SGIP1: variants seen among roughly 807,000 people sequenced by gnomAD.
SGIP1 encodes the protein SH3GL interacting endocytic adaptor 1.
A neutral mutation model predicts 107.5 loss-of-function variants in SGIP1; 38 were observed. The ratio of observed to expected loss-of-function variants is 0.35; its 90% confidence interval spans 0.27 to 0.46. SGIP1 has a LOEUF of 0.46. Among genes scored for constraint, SGIP1 ranks in the 20% least tolerant of loss-of-function variants. The pLI is 1.00. For missense variants in SGIP1, 929 were observed against 1,019.5 expected, an observed-to-expected ratio of 0.91 and a Z score of 1.21; for synonymous variants, 365 against 366.1, an observed-to-expected ratio of 1.00 and a Z score of 0.03.
At chr1:66,585,211 C>T (rs1314597364) in intron 1 of SGIP1, among the ~76,000 whole-genome samples, 1 of 152,158 alleles carries the variant, frequency 6.6e-6, no homozygotes, top group African/African-American at 2.4e-5. Flanking sequence ...CTCTATGGTG[C>T]TTCTTGCATT....
At chr1:66,614,698 T>C (rs2068780315) in intron 1 of SGIP1, among the ~76,000 whole-genome samples, 1 of 152,036 alleles carries the variant, frequency 6.6e-6, no homozygotes, top group African/African-American at 2.4e-5. Flanking sequence ...TAGCCTGTGG[T>C]GTATAGAAAG....
chr1:66,567,322 T>G (rs578024469), intron 1 of SGIP1, among the ~76,000 whole-genome samples: 1 of 152,290 alleles, frequency 6.6e-6, no homozygotes, highest in South Asian at 2.1e-4. Context: ...AAAGTGTCTG[T>G]TCATATCCTT....
At chr1:66,684,472 T>C (rs2087702213) in intron 15 of SGIP1, among the ~76,000 whole-genome samples, 1 of 152,192 alleles carries the variant, frequency 6.6e-6, no homozygotes, top group African/African-American at 2.4e-5. Flanking sequence ...AACCACTATG[T>C]AAATCCTCCA....
In SGIP1 at chr1:66,745,381, T is replaced by C. The variant is rs2094538635; in HGVS notation, c.*2286T>C. On this transcript the variant is annotated 3_prime_UTR_variant, in exon 25 of 25. Transcript: ENST00000371037. ...GAGTAACCAGAACCTCAATAGAAAA[T>C]GTATCCCTTCACCTTTCAGAAAAGA... 6.6e-6 allele frequency: 1 copy of C among 151,988 alleles called. No homozygotes were observed. Among genetic ancestry groups the C allele is most frequent in the Non-Finnish European group, 1.5e-5 (1 of 67,884 alleles). The allele number at this position is 151,988 out of a possible 1,614,324, so 9.4% of individuals were successfully genotyped here.
At chr1:66,566,309 G>A (rs925482574) in intron 1 of SGIP1, among the ~76,000 whole-genome samples, 4 of 151,932 alleles carry the variant, frequency 2.6e-5, no homozygotes, top group African/African-American at 9.7e-5. Context: ...AACTTTCTTA[G>A]GCACTGATTC....
chr1:66,601,572 T>C (rs1403363380), intron 1 of SGIP1, among the ~76,000 whole-genome samples: 1 of 151,966 alleles, frequency 6.6e-6, no homozygotes, highest in Non-Finnish European at 1.5e-5. Context: ...AATAGAATCC[T>C]AACAATCTAT....
At chr1:66,735,519 C>T (rs2094193686) in intron 21 of SGIP1, among the ~76,000 whole-genome samples, 1 of 151,944 alleles carries the variant, frequency 6.6e-6, no homozygotes, top group African/African-American at 2.4e-5. Flanking sequence ...AAATATTCCA[C>T]ATAAGAGTGA....
chr1:66,632,359 TC>T (rs1279382465), intron 2 of SGIP1, among the ~76,000 whole-genome samples: 19 of 152,294 alleles, frequency 1.2e-4, no homozygotes, highest in South Asian at 8.3e-4. Context: ...TTCCTGCTCT[TC>T]TATAATGGAA....
rs1333893734 is a variant in SGIP1, at chr1:66,745,711, T to C, written c.*2616T>C. Reference sequence around the variant, plus strand: ...TTGTTCTAGTTAACCAGAACACCATTTCCTGAACGTTATGATCTTTAAAAG... The same window carrying C: ...TTGTTCTAGTTAACCAGAACACCATCTCCTGAACGTTATGATCTTTAAAAG... On this transcript the variant is annotated 3_prime_UTR_variant, in exon 25 of 25. Coordinates refer to ENST00000371037, the MANE Select transcript of SGIP1 (RefSeq NM_032291.4). The C allele has an allele frequency of 2.6e-5, 4 of 152,184 alleles. No homozygotes were observed. In the East Asian group the frequency reaches 5.8e-4, roughly 22 times the overall value. 9.4% of individuals were successfully genotyped at this position (152,184 alleles called of 1,614,324 possible). A position where few individuals can be genotyped will look rare whatever the true frequency, so the allele number is the denominator to read the frequency against.
chr1:66,589,030 G>C (rs952375424), intron 1 of SGIP1, among the ~76,000 whole-genome samples: 2 of 150,808 alleles, frequency 1.3e-5, no homozygotes, highest in African/African-American at 4.9e-5. Flanking sequence ...TTCTCCAACA[G>C]TAAAACATGG....
chr1:66,719,143 T>A, intron 18 of SGIP1, 151 bp from the exon 19 acceptor site: 1 of 502,562 alleles, frequency 2.0e-6, no homozygotes, highest in Non-Finnish European at 3.6e-6. Flanking sequence ...TTGAGCTCTA[T>A]GTTGAATATA....
intron 1 of SGIP1, among the ~76,000 whole-genome samples, chr1:66,606,363 T>C (rs2066845071): frequency 6.6e-6 from 1 of 152,266 alleles, no homozygotes; most frequent in South Asian, 2.1e-4. Context: ...TTTATCATCA[T>C]TGGTAATGAC....
intron 18 of SGIP1, among the ~76,000 whole-genome samples, chr1:66,714,262 A>AGATG (rs1364317378): frequency 6.6e-6 from 1 of 152,140 alleles, no homozygotes; most frequent in Non-Finnish European, 1.5e-5. Context: ...CTTGACATAC[A>AGATG]GATGGTAAGC....
chr1:66,729,464 A>C, intron 20 of SGIP1, 45 bp downstream of exon 20: 1 of 1,610,830 alleles, frequency 6.2e-7, no homozygotes, highest in Non-Finnish European at 8.5e-7. Flanking sequence ...CATGTGGCTT[A>C]GTACTTTGTA....
chr1:66,680,594 A>G (rs1183767742), intron 14 of SGIP1, among the ~76,000 whole-genome samples: 3 of 152,208 alleles, frequency 2.0e-5, no homozygotes, highest in African/African-American at 4.8e-5. Flanking sequence ...CTCAAACCCA[A>G]TAGAGAGTCA....
intron 19 of SGIP1, among the ~76,000 whole-genome samples, chr1:66,723,796 T>C (rs2093642712): frequency 6.6e-6 from 1 of 152,206 alleles, no homozygotes; most frequent in African/African-American, 2.4e-5. Context: ...TATGCACCGT[T>C]GCCTTCCCAG....
chr1:66,721,593 G>T (rs982894670), intron 19 of SGIP1, among the ~76,000 whole-genome samples: 1 of 152,114 alleles, frequency 6.6e-6, no homozygotes, highest in East Asian at 1.9e-4. Context: ...ATTTTTTTTA[G>T]CGACGGGGTT....
intron 3 of SGIP1, among the ~76,000 whole-genome samples, 188 bp from the exon 4 acceptor site, chr1:66,635,756 T>C (rs2075651091): frequency 6.6e-6 from 1 of 152,140 alleles, no homozygotes; most frequent in Non-Finnish European, 1.5e-5. Flanking sequence ...GAATAGAGCC[T>C]CATTATGGGC....
intron 16 of SGIP1, among the ~76,000 whole-genome samples, 154 bp from the exon 17 acceptor site, chr1:66,690,036 C>T (rs749770635): frequency 1.3e-5 from 2 of 152,320 alleles, no homozygotes; most frequent in South Asian, 4.1e-4. Flanking sequence ...CACAAACTCT[C>T]ATATAGATAG....
Sources: allele counts gnomAD v4.1 joint callset (sites outside exome capture counted in the v4.1 genomes callset), GRCh38; gene constraint gnomAD v4.1.1; transcripts MANE v1.5; gene names NCBI Gene and HGNC (gene_info 2026-07-23, HGNC 2026-07-21).